The following GLI2 variants were observed in gnomAD, a reference collection of about 807,000 sequenced individuals.
GLI2 encodes transcription activator GLI2.
GLI2 carries 22 observed loss-of-function variants against 78.9 expected under a neutral mutation model. The ratio of observed to expected loss-of-function variants is 0.28; its 90% confidence interval spans 0.20 to 0.40. The LOEUF (loss-of-function observed/expected upper bound fraction) is 0.40. Among genes scored for constraint, GLI2 ranks in the 10% least tolerant of loss-of-function variants. The pLI, the probability that GLI2 is intolerant of heterozygous loss-of-function variation, is 1.00. For synonymous variants in GLI2, 974 were observed against 963.7 expected (o/e 1.01, Z -0.20); for missense variants, 2,097 against 2,213.2 (o/e 0.95, Z 1.05).
At chr2:120,973,153 T>C (rs1573708264) in intron 8 of GLI2, among the ~76,000 whole-genome samples, 1 of 152,218 alleles carries the variant, frequency 6.6e-6, no homozygotes, top group African/African-American at 2.4e-5. Flanking sequence ...GCTTCTGTTA[T>C]CGTCAAGCAA....
intron 2 of GLI2, among the ~76,000 whole-genome samples, chr2:120,883,543 G>A (rs1677253503): frequency 1.3e-5 from 2 of 152,220 alleles, no homozygotes. Context: ...CAGCCGCACT[G>A]TACAGGAAGC....
At chr2:120,796,772 A>G (rs1032997642) in intron 1 of GLI2, among the ~76,000 whole-genome samples, 3 of 152,244 alleles carry the variant, frequency 2.0e-5, no homozygotes, top group African/African-American at 7.2e-5. Flanking sequence ...GGGCTTAAAA[A>G]TATGTTGACT....
At chr2:120,890,541 G>T (rs1352864073) in intron 2 of GLI2, among the ~76,000 whole-genome samples, 1 of 152,078 alleles carries the variant, frequency 6.6e-6, no homozygotes, top group Non-Finnish European at 1.5e-5. Flanking sequence ...GAACAAGGCA[G>T]ATGCATTGTA....
chr2:120,929,406 G>A (rs1037702677), intron 3 of GLI2, among the ~76,000 whole-genome samples: 4 of 152,180 alleles, frequency 2.6e-5, no homozygotes, highest in Non-Finnish European at 5.9e-5. Context: ...TACATCCATC[G>A]ATGCTTCTTG....
intron 2 of GLI2, among the ~76,000 whole-genome samples, chr2:120,841,742 G>A (rs965611965): frequency 1.3e-5 from 2 of 152,206 alleles, no homozygotes; most frequent in Non-Finnish European, 2.9e-5. Flanking sequence ...AGAGTATGGT[G>A]GGGGAGAGGC....
intron 1 of GLI2, among the ~76,000 whole-genome samples, chr2:120,793,244 G>A (rs115344420): frequency 0.013 from 1,947 of 152,354 alleles, 43 homozygotes; most frequent in African/African-American, 0.045. Flanking sequence ...GGAGAGTGTG[G>A]CTGTGTTTCC....
chr2:120,774,001 C>T (rs979382478), intron 1 of GLI2, among the ~76,000 whole-genome samples: 2 of 149,170 alleles, frequency 1.3e-5, no homozygotes, highest in African/African-American at 5.0e-5. Context: ...CTTCCTCCCC[C>T]CTTTCTTCCC....
intron 9 of GLI2, among the ~76,000 whole-genome samples, chr2:120,978,208 G>A (rs1202889350): frequency 3.3e-5 from 5 of 152,214 alleles, no homozygotes; most frequent in East Asian, 1.9e-4. Flanking sequence ...GGCGTGGCCC[G>A]GCTCGTAGGG....
intron 3 of GLI2, among the ~76,000 whole-genome samples, chr2:120,946,674 G>A (rs151216666): frequency 1.2e-4 from 19 of 152,314 alleles, no homozygotes; most frequent in East Asian, 1.9e-4. Flanking sequence ...ACCAGTAGTC[G>A]CCTTTCCTGG....
At chr2:120,837,393 CAA>C (rs768947767) in intron 2 of GLI2, among the ~76,000 whole-genome samples, 21 of 77,024 alleles carry the variant, frequency 2.7e-4, no homozygotes, top group Admixed American at 6.1e-4. Flanking sequence ...GACTCCATCT[CAA>C]AAAAAAAAAA....
chr2:120,896,141 G>A (rs1677931100), intron 2 of GLI2, among the ~76,000 whole-genome samples: 1 of 152,216 alleles, frequency 6.6e-6, no homozygotes, highest in South Asian at 2.1e-4. Flanking sequence ...ATCTTGGGCA[G>A]GTTGGTTCTC....
At chr2:120,977,075 T>C (rs1233813034) in intron 9 of GLI2, among the ~76,000 whole-genome samples, 1 of 152,238 alleles carries the variant, frequency 6.6e-6, no homozygotes, top group African/African-American at 2.4e-5. Context: ...GGGGCATCTG[T>C]ACGCGTGACA....
intron 2 of GLI2, among the ~76,000 whole-genome samples, chr2:120,813,090 A>G (rs895485): frequency 0.43 from 65,263 of 152,110 alleles, 14,878 homozygotes; most frequent in South Asian, 0.53. Flanking sequence ...CACAGGATGT[A>G]AAGTGTTGGC....
intron 1 of GLI2, among the ~76,000 whole-genome samples, chr2:120,794,000 C>T (rs1471955148): frequency 5.9e-5 from 9 of 152,274 alleles, no homozygotes; most frequent in Middle Eastern, 3.4e-3. Context: ...ATGAGGAAGC[C>T]GCAGCTGCTG....
chr2:120,777,709 G>A (rs190315225), intron 1 of GLI2, among the ~76,000 whole-genome samples: 109 of 150,680 alleles, frequency 7.2e-4, no homozygotes, highest in Non-Finnish European at 1.2e-3. Context: ...CCAGGCGGGG[G>A]TGCAGAGCCT....
At chr2:120,965,250 G>A (rs1037247100) in intron 5 of GLI2, among the ~76,000 whole-genome samples, 1 of 151,046 alleles carries the variant, frequency 6.6e-6, no homozygotes, top group South Asian at 2.1e-4. Context: ...CTCCAGCCAG[G>A]ATGCAGATGC....
chr2:120,760,647 G>A (rs999320553), intron 1 of GLI2, among the ~76,000 whole-genome samples: 1 of 152,150 alleles, frequency 6.6e-6, no homozygotes, highest in African/African-American at 2.4e-5. Context: ...CGCATGCTTG[G>A]TGCCACTGAG....
At chr2:120,761,614 TG>T (rs1174200900) in intron 1 of GLI2, among the ~76,000 whole-genome samples, 2 of 151,794 alleles carry the variant, frequency 1.3e-5, no homozygotes, top group African/African-American at 4.8e-5. Context: ...CAGAAGGGTC[TG>T]GGGGGTCGGG....
Position 120,892,809 on chromosome 2 carries a change from A to T in GLI2, c.149-34552A>T, listed in dbSNP as rs375149061. Among the ~76,000 whole-genome samples the T allele has an allele frequency of 8.5e-5, 13 of 152,270 alleles. 1 individual carries two copies. Among genetic ancestry groups the T allele is most frequent in the African/African-American group, 3.1e-4 (13 of 41,554 alleles). ...TGCCCAGAGTGGTAGGGGGTGTGCC[A>T]TTGTCCCTGATTCACCACCTTCGGT... is the stretch of plus-strand genomic sequence containing the variant. On this transcript the variant is annotated intron_variant, in intron 2 of 13. Coordinates refer to ENST00000361492, the MANE Select transcript of GLI2 (RefSeq NM_001374353.1).
Sources: gnomAD v4.1 joint callset for allele counts (sites outside exome capture counted in the v4.1 genomes callset) on GRCh38, gnomAD v4.1.1 for gene constraint, MANE v1.5 for transcripts, NCBI Gene and HGNC (gene_info 2026-07-23, HGNC 2026-07-21) for gene names.